PLD3: variants seen among roughly 807,000 people sequenced by gnomAD.
PLD3 encodes phospholipase D family member 3.
A neutral mutation model predicts 58.4 loss-of-function variants in PLD3; 31 were observed. The ratio of observed to expected loss-of-function variants is 0.53; its 90% confidence interval spans 0.40 to 0.72. The LOEUF (loss-of-function observed/expected upper bound fraction) is 0.72. PLD3 is among the 30% of genes least tolerant of loss of function. The pLI is 0.00. For synonymous variants in PLD3, 264 were observed against 273.4 expected (o/e 0.97, Z 0.34); for missense variants, 595 against 659.8 (o/e 0.90, Z 1.08).
intron 2 of PLD3, 184 bp downstream of exon 2, chr19:40,366,114 G>T: frequency 2.8e-6 from 1 of 354,378 alleles, no homozygotes; most frequent in Non-Finnish European, 5.2e-6. Flanking sequence ...ACCTCATCCA[G>T]CGCTGCCTTT....
chr19:40,371,672 G>C lies in PLD3; in HGVS notation c.679-1G>C, dbSNP rs1167620472. The C allele has an allele frequency of 6.2e-6, 10 of 1,611,550 alleles. No individual in the cohort carries two copies. Among genetic ancestry groups the C allele is most frequent in the Non-Finnish European group, 8.5e-6 (10 of 1,178,334 alleles). On this transcript the variant is annotated splice_acceptor_variant, in intron 8 of 12. Coordinates refer to ENST00000409735, the MANE Select transcript of PLD3 (RefSeq NM_012268.4). LOFTEE classifies it high-confidence loss of function. ...CTGAGCTCAGCACTGCCCTCCTACA[G>C]GTCAAGGAGCTGGGCGTGGTCATGT...
Position 40,366,400 on chromosome 19 carries a change from C to T in PLD3, c.-65-19C>T. The T allele has an allele frequency of 8.6e-7, 1 of 1,161,538 alleles. No individual in the cohort carries two copies. The allele number at this position is 1,161,538 out of a possible 1,614,324, so 72.0% of individuals were successfully genotyped here. On this transcript the variant is annotated intron_variant, in intron 2 of 12. Coordinates refer to ENST00000409735, the MANE Select transcript of PLD3 (RefSeq NM_012268.4). ...AAAGCGTAGAACACCCCACACAGTGCCCACTTTTGTTCTGCCAGTTTGGAG... is the reference window on the plus strand; with the variant it reads ...AAAGCGTAGAACACCCCACACAGTGTCCACTTTTGTTCTGCCAGTTTGGAG...
chr19:40,376,813 G>T (rs559343408), intron 11 of PLD3, 39 bp downstream of exon 11: 1 of 1,578,842 alleles, frequency 6.3e-7, no homozygotes, highest in African/African-American at 1.3e-5. Flanking sequence ...CCCCTGTGTG[G>T]GGCAGTCCTA....
intron 3 of PLD3, 24 bp from the exon 4 acceptor site, chr19:40,366,586 C>G (rs762432309): frequency 6.3e-7 from 1 of 1,580,666 alleles, no homozygotes; most frequent in African/African-American, 1.3e-5. Flanking sequence ...CACCTGTCAC[C>G]CCCGTTGTTG....
At chr19:40,367,255 TA>T (rs2078949132) in intron 5 of PLD3, 1 of 281,554 alleles carries the variant, frequency 3.6e-6, no homozygotes, top group Non-Finnish European at 6.6e-6. Context: ...CACACAGTTT[TA>T]AAAAATTTTT....
rs188587294 is a variant in PLD3, at chr19:40,377,032, G to A, written c.1185+258G>A. On this transcript the variant is annotated intron_variant, in intron 11 of 12. Coordinates refer to ENST00000409735, the MANE Select transcript of PLD3 (RefSeq NM_012268.4). ...GGGACCAGGAATGGGGACATGGGCA[G>A]GTAGAGGGGTCAGGGCTGGGATTGG... 5.7e-4 allele frequency among the ~76,000 whole-genome samples: 85 copies of A among 150,390 alleles called. 1 individual carries two copies. The highest frequency in any genetic ancestry group is 1.3e-3 in the Admixed American group (20 of 15,068).
In PLD3 at chr19:40,366,759, C is replaced by T; in HGVS notation, c.103-14C>T. 6.2e-7 allele frequency: 1 copy of T among 1,613,942 alleles called. No homozygotes were observed. Among genetic ancestry groups the T allele is most frequent in the Non-Finnish European group, 8.5e-7 (1 of 1,179,902 alleles). ...CCCCCCTCGGGCTGGCTGACCACCT[C>T]CTCCTCCCCACAGAAAGCCCGCTGG... On this transcript the variant is annotated splice_polypyrimidine_tract_variant and intron_variant, in intron 4 of 12. Transcript: ENST00000409735.
chr19:40,352,042 C>T (rs929279291), intron 1 of PLD3, among the ~76,000 whole-genome samples: 2 of 152,098 alleles, frequency 1.3e-5, no homozygotes, highest in African/African-American at 4.8e-5. Context: ...GAGGCTGAGG[C>T]GGGCGGATCA....
chr19:40,362,492 G>A (rs562971446), intron 1 of PLD3, among the ~76,000 whole-genome samples: 102 of 152,342 alleles, frequency 6.7e-4, no homozygotes, highest in African/African-American at 2.4e-3. Flanking sequence ...CTGGAGTGAG[G>A]TGGTGCGATC....
chr19:40,376,581 G>T (rs761387263), intron 10 of PLD3, 28 bp from the exon 11 acceptor site: 1 of 1,598,744 alleles, frequency 6.3e-7, no homozygotes, highest in East Asian at 2.2e-5. Context: ...TCTGCATCCT[G>T]CCCCACCTCC....
chr19:40,377,974 A>T lies in PLD3; in HGVS notation c.1286-12A>T. On this transcript the variant is annotated splice_polypyrimidine_tract_variant and intron_variant, in intron 12 of 12. Coordinates refer to ENST00000409735, the MANE Select transcript of PLD3 (RefSeq NM_012268.4). ...CCGAGGGTGCCCTTATGCTCCACCC[A>T]TTCCTCTCTAGGAACCTCCAACTGG... The T allele has an allele frequency of 3.7e-6, 6 of 1,612,302 alleles. No homozygotes were observed. Among genetic ancestry groups the T allele is most frequent in the Non-Finnish European group, 5.1e-6 (6 of 1,178,820 alleles).
intron 6 of PLD3, 136 bp from the exon 7 acceptor site, chr19:40,369,772 A>C (rs2079017362): frequency 2.7e-6 from 2 of 734,612 alleles, no homozygotes; most frequent in South Asian, 4.3e-5. Context: ...TTAATCTGTA[A>C]AGTCTTTAAT....
In PLD3 at chr19:40,366,782, T is replaced by A; in HGVS notation, c.112T>A (p.Trp38Arg). The change falls in exon 5 of 13, where the codon TGG becomes AGG. Residue 38 changes from tryptophan (W) to arginine (R), a missense_variant. Transcript: ENST00000409735. ...CTCCTCCTCCCCACAGAAAGCCCGC[T>A]GGGTCCTGCTGGTCCTCATTCTGGC... The part of the protein sequence containing the change: ...AWKAAEKKAR[W>R]VLLVLILAVV... 5.6e-6 allele frequency: 9 copies of A among 1,613,914 alleles called. No individual in the cohort carries two copies. The highest frequency in any genetic ancestry group is 7.6e-6 in the Non-Finnish European group (9 of 1,179,884).
intron 6 of PLD3, 120 bp downstream of exon 6, chr19:40,367,999 C>A: frequency 1.2e-6 from 1 of 824,438 alleles, no homozygotes; most frequent in Non-Finnish European, 1.9e-6. Context: ...TCTCACACAG[C>A]AGATTGGACA....
intron 4 of PLD3, 37 bp from the exon 5 acceptor site, chr19:40,366,736 C>T (rs2078933042): frequency 3.1e-6 from 5 of 1,613,920 alleles, no homozygotes; most frequent in Non-Finnish European, 4.2e-6. Context: ...CTGGGCTGCC[C>T]CCCTCGGGCT....
chr19:40,353,136 A>T, intron 1 of PLD3, among the ~76,000 whole-genome samples: 1 of 152,080 alleles, frequency 6.6e-6, no homozygotes, highest in East Asian at 1.9e-4. Flanking sequence ...CCTGGAATAC[A>T]ACTGAGCTCT....
At chr19:40,368,212 A>G (rs1039118295) in intron 6 of PLD3, among the ~76,000 whole-genome samples, 2 of 152,070 alleles carry the variant, frequency 1.3e-5, no homozygotes, top group African/African-American at 4.8e-5. Flanking sequence ...CAGCCTCAAG[A>G]CAGGGGCCAC....
At chr19:40,353,105 A>C (rs1343464497) in intron 1 of PLD3, among the ~76,000 whole-genome samples, 2 of 152,106 alleles carry the variant, frequency 1.3e-5, no homozygotes, top group Non-Finnish European at 2.9e-5. Context: ...TTGTTCATGA[A>C]TTAGTTCAAC....
At chr19:40,376,315 A>G (rs2079198110) in intron 10 of PLD3, 4 of 339,044 alleles carry the variant, frequency 1.2e-5, no homozygotes, top group Non-Finnish European at 2.2e-5. Flanking sequence ...AGATTGTGCC[A>G]TTGCACTCCA....
Sources: allele counts gnomAD v4.1 joint callset (sites outside exome capture counted in the v4.1 genomes callset), GRCh38; gene constraint gnomAD v4.1.1; transcripts MANE v1.5; gene names NCBI Gene and HGNC (gene_info 2026-07-23, HGNC 2026-07-21).